PTDSS2: variants seen among roughly 807,000 people sequenced by gnomAD.
PTDSS2 encodes phosphatidylserine synthase 2.
Under a neutral mutation model 64.7 loss-of-function variants are expected in PTDSS2, and 41 were observed. That is an observed-to-expected ratio of 0.63 (90% confidence interval 0.49 to 0.82). The LOEUF is 0.82. PTDSS2 is among the 40% of genes least tolerant of loss of function. The pLI, the probability that PTDSS2 is intolerant of heterozygous loss-of-function variation, is 0.00. For synonymous variants in PTDSS2, 297 were observed against 277.8 expected, an observed-to-expected ratio of 1.07 and a Z score of -0.69; for missense variants, 485 against 650.0, an observed-to-expected ratio of 0.75 and a Z score of 2.76.
In PTDSS2 at chr11:489,983, C is replaced by T. The variant is rs762082303; in HGVS notation, c.1216C>T (p.Leu406=). 1.9e-6 allele frequency: 3 copies of T among 1,612,228 alleles called. No individual in the cohort carries two copies. The African/African-American group carries it at 4.0e-5, about 22-fold the overall frequency. The change falls in exon 11 of 12, where the codon CTG becomes TTG. Residue 406 remains leucine (L), a synonymous_variant. Transcript: ENST00000308020. ...GAAGTACGACCCCCACACGCTCACC[C>T]TGTCCCTGCCCTTCTACATCTCCCA... ...VVKYDPHTLT[L]SLPFYISQCW...
intron 3 of PTDSS2, among the ~76,000 whole-genome samples, chr11:477,237 A>C (rs907206137): frequency 1.3e-5 from 2 of 152,080 alleles, no homozygotes; most frequent in African/African-American, 4.8e-5. Flanking sequence ...GCTCTGAGGG[A>C]GGTGGAACGT....
chr11:475,185 C>T (rs1039133059), intron 3 of PTDSS2, among the ~76,000 whole-genome samples: 2 of 140,886 alleles, frequency 1.4e-5, no homozygotes, highest in African/African-American at 5.5e-5. Flanking sequence ...GACATATTCA[C>T]GCGTTTATGA....
In PTDSS2 at chr11:490,056, G is replaced by C. The variant is rs777212445; in HGVS notation, c.1289G>C (p.Arg430Pro). The C allele has an allele frequency of 6.2e-7, 1 of 1,607,110 alleles. No individual in the cohort carries two copies. ...SVLALTWTVW[R>P]FFLRDITLRY... is the part of the protein sequence containing the mutation. ...CTGGCGCTCACCTGGACCGTCTGGCGCTTCTTCCTGCGGTGAGTCAGGGCA... is the reference window on the plus strand; with the variant it reads ...CTGGCGCTCACCTGGACCGTCTGGCCCTTCTTCCTGCGGTGAGTCAGGGCA... Residue 430 changes from arginine to proline, a missense_variant, in exon 11 of 12, where the codon CGC becomes CCC. By Grantham distance (103) the Arg-to-Pro change is moderately radical. Around this residue, in one of 3 missense-constraint regions of PTDSS2, gnomAD observed 219 missense variants for 257.3 expected, o/e 0.85. Transcript: ENST00000308020.
chr11:488,338 C>T, intron 7 of PTDSS2, 26 bp downstream of exon 7: 1 of 1,569,794 alleles, frequency 6.4e-7, no homozygotes, highest in Non-Finnish European at 8.8e-7. Context: ...GCCCCCGGGG[C>T]AGTCGGTGCA....
At position 489,383 on chromosome 11, in the gene PTDSS2, G is replaced by A. The variant is rs562083382; in HGVS notation, c.855-17G>A. On this transcript the variant is annotated splice_polypyrimidine_tract_variant and intron_variant, in intron 8 of 11. Transcript: ENST00000308020. ...GGTGGGCTGCCTTCCTCAGGCTGCC[G>A]GCTCTGTGGTTCCCAGGGGCAAGAT... 1.7e-5 allele frequency: 27 copies of A among 1,608,162 alleles called. No individual in the cohort carries two copies. Among genetic ancestry groups the A allele is most frequent in the Admixed American group, 1.2e-4 (7 of 59,936 alleles).
chr11:490,479 A>G lies in PTDSS2; in HGVS notation c.1361A>G (p.Gln454Arg), dbSNP rs767099665. The part of the protein sequence containing the change: ...RWQKWQNKDD[Q>R]GSTVGNGDQH... ...CAGAAGTGGCAGAACAAGGATGACC[A>G]GGGCAGCACCGTCGGCAACGGGGAC... is the stretch of plus-strand genomic sequence containing the variant. Residue 454 changes from glutamine (Q) to arginine (R), a missense_variant, in exon 12 of 12, where the codon CAG becomes CGG. Coordinates refer to ENST00000308020, the MANE Select transcript of PTDSS2 (RefSeq NM_030783.3). 4.2e-5 allele frequency: 68 copies of G among 1,613,082 alleles called. No individual in the cohort carries two copies. Among genetic ancestry groups the G allele is most frequent in the Middle Eastern group, 3.3e-4 (2 of 6,084 alleles).
chr11:457,282 C>G (rs1349707958), intron 1 of PTDSS2, among the ~76,000 whole-genome samples: 1 of 152,270 alleles, frequency 6.6e-6, no homozygotes, highest in Non-Finnish European at 1.5e-5. Context: ...CAACCACGCT[C>G]ACACCAGAAC....
intron 3 of PTDSS2, among the ~76,000 whole-genome samples, chr11:478,003 A>G (rs1218314857): frequency 6.6e-6 from 1 of 152,186 alleles, no homozygotes; most frequent in Non-Finnish European, 1.5e-5. Flanking sequence ...TCTTCCCCTG[A>G]GTACGTCGGG....
chr11:451,969 G>A (rs1338314895), intron 1 of PTDSS2, among the ~76,000 whole-genome samples: 2 of 152,156 alleles, frequency 1.3e-5, no homozygotes, highest in South Asian at 2.1e-4. Flanking sequence ...TGGCTTCCGG[G>A]CCCTGTGGAC....
At position 490,492 on chromosome 11, in the gene PTDSS2, C is replaced by T. The variant is rs754908557; in HGVS notation, c.1374C>T (p.Val458=). 2.2e-5 allele frequency: 35 copies of T among 1,613,052 alleles called. No individual in the cohort carries two copies. Among genetic ancestry groups the T allele is most frequent in the African/African-American group, 9.3e-5 (7 of 74,934 alleles). Residue 458 remains valine, a synonymous_variant, in exon 12 of 12, where the codon GTC becomes GTT. Coordinates refer to ENST00000308020, the MANE Select transcript of PTDSS2 (RefSeq NM_030783.3). ...WQNKDDQGST[V]GNGDQHPLGL... ...ACAAGGATGACCAGGGCAGCACCGTCGGCAACGGGGACCAGCACCCACTGG... is the reference window on the plus strand; with the variant it reads ...ACAAGGATGACCAGGGCAGCACCGTTGGCAACGGGGACCAGCACCCACTGG...
intron 4 of PTDSS2, among the ~76,000 whole-genome samples, chr11:483,895 G>A (rs1361224248): frequency 3.3e-5 from 5 of 152,296 alleles, no homozygotes; most frequent in African/African-American, 9.6e-5. Context: ...TGGCGCTGTG[G>A]ACCTTGACTG....
At position 470,464 on chromosome 11, in the gene PTDSS2, T is replaced by C. The variant is rs1314103317; in HGVS notation, c.285-3431T>C. Reference sequence around the variant, plus strand: ...GAAGAGACAGAACGAGTAGATGCCATGTGGCTTCCAGGAAGAGATTGTTGG... The same window carrying C: ...GAAGAGACAGAACGAGTAGATGCCACGTGGCTTCCAGGAAGAGATTGTTGG... On this transcript the variant is annotated intron_variant, in intron 2 of 11. Transcript: ENST00000308020. The surrounding 1 kb of genome is among the most constrained non-coding windows in gnomAD (Gnocchi z 5.3). Among the ~76,000 whole-genome samples the C allele has an allele frequency of 2.0e-5, 3 of 152,050 alleles. No homozygotes were observed. The East Asian group carries it at 5.8e-4, about 29-fold the overall frequency.
chr11:472,811 G>A (rs779184928), intron 2 of PTDSS2, among the ~76,000 whole-genome samples: 2 of 152,132 alleles, frequency 1.3e-5, no homozygotes, highest in Non-Finnish European at 2.9e-5. Flanking sequence ...CTATTCTTGC[G>A]GCCACACGAA....
chr11:468,177 A>T (rs1474162859), intron 2 of PTDSS2, among the ~76,000 whole-genome samples: 1 of 152,222 alleles, frequency 6.6e-6, no homozygotes, highest in Admixed American at 6.5e-5. Context: ...AGGAACCTTA[A>T]ATACATGTTT....
chr11:480,899 G>C (rs1848039419), intron 4 of PTDSS2, among the ~76,000 whole-genome samples: 1 of 152,072 alleles, frequency 6.6e-6, no homozygotes, highest in African/African-American at 2.4e-5. Context: ...TGGCTAACAC[G>C]GTGAAACCCC....
intron 3 of PTDSS2, among the ~76,000 whole-genome samples, chr11:477,391 C>T (rs1753549363): frequency 1.3e-5 from 2 of 152,160 alleles, no homozygotes; most frequent in African/African-American, 4.8e-5. Context: ...TTTAGAAAGA[C>T]AAATGAGTGC....
chr11:474,297 A>C (rs930649032), intron 3 of PTDSS2, among the ~76,000 whole-genome samples: 3 of 144,056 alleles, frequency 2.1e-5, no homozygotes, highest in Non-Finnish European at 3.1e-5. Flanking sequence ...AGATGGGGCT[A>C]TGAGGCCGGG....
At position 490,018 on chromosome 11, in the gene PTDSS2, C is replaced by A; in HGVS notation, c.1251C>A (p.Thr417=). Residue 417 remains threonine, a synonymous_variant, in exon 11 of 12, where the codon ACC becomes ACA. Transcript: ENST00000308020. ...SLPFYISQCW[T]LGSVLALTWT... is the part of the protein sequence containing the mutation. ...CCTTCTACATCTCCCAGTGCTGGAC[C>A]CTCGGCTCCGTCCTGGCGCTCACCT... The A allele has an allele frequency of 3.7e-6, 6 of 1,611,666 alleles. No individual in the cohort carries two copies. Among genetic ancestry groups the A allele is most frequent in the Non-Finnish European group, 5.1e-6 (6 of 1,179,976 alleles).
Position 450,364 on chromosome 11 carries a change from C to G in PTDSS2, c.-92C>G, listed in dbSNP as rs1319397895. 23 of 1,130,006 alleles carry G rather than the reference C, an allele frequency of 2.0e-5. No homozygotes were observed. The highest frequency in any genetic ancestry group is 2.4e-5 in the Non-Finnish European group (22 of 900,234). 70.0% of individuals were successfully genotyped at this position (1,130,006 alleles called of 1,614,324 possible). ...CCAGCGCCGCGACCCCTTCCCAGCG[C>G]TCCTCGCGCTGTGTGCGGCGCGTCC... is the stretch of plus-strand genomic sequence containing the variant. On this transcript the variant is annotated 5_prime_UTR_variant, in exon 1 of 12. Coordinates refer to ENST00000308020, the MANE Select transcript of PTDSS2 (RefSeq NM_030783.3).
Sources: gnomAD v4.1 joint callset for allele counts (sites outside exome capture counted in the v4.1 genomes callset) on GRCh38, gnomAD v4.1.1 for gene constraint, gnomAD v4.1.1 regional missense constraint, Gnocchi (gnomAD v3.1) non-coding constraint, MANE v1.5 for transcripts, NCBI Gene and HGNC (gene_info 2026-07-23, HGNC 2026-07-21) for gene names.